The following FOXP2 variants were observed in gnomAD, a reference collection of about 807,000 sequenced individuals.
FOXP2 encodes the protein forkhead box protein P2.
Under a neutral mutation model 115.8 loss-of-function variants are expected in FOXP2, and 12 were observed. That is an observed-to-expected ratio of 0.10 (90% CI 0.07 to 0.17). The LOEUF (loss-of-function observed/expected upper bound fraction) is 0.17, where lower values mean the gene tolerates loss of function less well. Among genes scored for constraint, FOXP2 ranks in the 10% least tolerant of loss-of-function variants. FOXP2 has a pLI of 1.00. For missense variants in FOXP2, 629 were observed against 843.5 expected (o/e 0.75, Z 3.15); for synonymous variants, 328 against 297.7 (o/e 1.10, Z -1.05).
chr7:114,174,371 A>G (rs527558131), intron 1 of FOXP2, among the ~76,000 whole-genome samples: 13 of 152,142 alleles, frequency 8.5e-5, no homozygotes, highest in African/African-American at 3.1e-4. Flanking sequence ...AAGTTATTTT[A>G]AAAGTTATTA....
intron 3 of FOXP2, among the ~76,000 whole-genome samples, chr7:114,536,655 C>G (rs1043192939): frequency 1.3e-5 from 2 of 151,314 alleles, no homozygotes; most frequent in African/African-American, 2.4e-5. Flanking sequence ...CAGTTGCTGA[C>G]CATGACTACA....
chr7:114,628,890 G>C (rs189319154), intron 4 of FOXP2: 95 of 554,920 alleles, frequency 1.7e-4, no homozygotes, highest in African/African-American at 1.7e-3. Flanking sequence ...TCTAGAATAA[G>C]AGCAGAGAGA....
chr7:114,678,380 G>C (rs142124611), intron 16 of FOXP2, among the ~76,000 whole-genome samples: 1 of 152,000 alleles, frequency 6.6e-6, no homozygotes, highest in Non-Finnish European at 1.5e-5. Flanking sequence ...TTTGAGAGCC[G>C]TGTCTTATAG....
At chr7:114,477,575 C>T (rs1244765635) in intron 2 of FOXP2, among the ~76,000 whole-genome samples, 2 of 151,800 alleles carry the variant, frequency 1.3e-5, no homozygotes, top group African/African-American at 2.4e-5. Context: ...GGATCCATTC[C>T]CCAAAGCTCA....
chr7:114,570,951 G>T, intron 3 of FOXP2: 1 of 1,288,880 alleles, frequency 7.8e-7, no homozygotes, highest in Non-Finnish European at 1.1e-6. Flanking sequence ...CCACTAAATA[G>T]ATTATATGTG....
At chr7:114,241,988 C>T (rs1009042841) in intron 1 of FOXP2, among the ~76,000 whole-genome samples, 1 of 149,362 alleles carries the variant, frequency 6.7e-6, no homozygotes, top group East Asian at 2.0e-4. Flanking sequence ...ACACAGAGTC[C>T]TTTGGACTTC....
At chr7:114,086,339 G>T (rs1482259221), upstream of FOXP2, 12 of 408,972 alleles carry the variant, frequency 2.9e-5, no homozygotes. Context: ...GAAAGCGCGA[G>T]ACACGCCGGC....
chr7:114,334,849 A>G (rs976545238), intron 2 of FOXP2, among the ~76,000 whole-genome samples: 2 of 149,152 alleles, frequency 1.3e-5, no homozygotes, highest in African/African-American at 4.9e-5. Context: ...TTTGTGAGCT[A>G]GAATGTACAA....
chr7:114,180,163 T>G (rs550860047), intron 1 of FOXP2, among the ~76,000 whole-genome samples: 13 of 152,126 alleles, frequency 8.5e-5, no homozygotes, highest in African/African-American at 3.1e-4. Flanking sequence ...ACTGCTATGC[T>G]TAACCAGAAG....
chr7:114,318,662 C>T (rs1260523764), intron 2 of FOXP2, among the ~76,000 whole-genome samples: 1 of 151,282 alleles, frequency 6.6e-6, no homozygotes, highest in Non-Finnish European at 1.5e-5. Context: ...ACTGTCATCA[C>T]CATATTTTTT....
intron 2 of FOXP2, chr7:114,366,546 A>G (rs1791887797): frequency 6.6e-6 from 1 of 152,178 alleles, no homozygotes; most frequent in Admixed American, 6.6e-5. Context: ...GATGTTTGTC[A>G]ATAAACTCAT....
At chr7:114,353,627 C>G (rs1791547524) in intron 2 of FOXP2, among the ~76,000 whole-genome samples, 1 of 152,062 alleles carries the variant, frequency 6.6e-6, no homozygotes, top group Admixed American at 6.6e-5. Flanking sequence ...CACTTTACTT[C>G]CTATGGGCCT....
chr7:114,304,899 C>T (rs1796975367), intron 2 of FOXP2, among the ~76,000 whole-genome samples: 1 of 151,952 alleles, frequency 6.6e-6, no homozygotes, highest in African/African-American at 2.4e-5. Context: ...CATTTAAGAA[C>T]AGAAAGCAAT....
At chr7:114,548,007 G>C (rs1011539616) in intron 3 of FOXP2, among the ~76,000 whole-genome samples, 7 of 152,142 alleles carry the variant, frequency 4.6e-5, no homozygotes, top group African/African-American at 1.4e-4. Context: ...CCACAGACAA[G>C]TAGTCCAGAG....
chr7:114,372,075 T>G (rs376868306), intron 2 of FOXP2, among the ~76,000 whole-genome samples: 2 of 152,116 alleles, frequency 1.3e-5, no homozygotes, highest in East Asian at 3.8e-4. Context: ...CATCACCAAT[T>G]TAGATGAACT....
rs560780393 is a variant in FOXP2 at position 114,340,331 on chromosome 7, CTT to C, written c.-11+52223_-11+52224del. 3.9e-3 allele frequency among the ~76,000 whole-genome samples: 582 copies of C among 151,064 alleles called. 3 individuals carry two copies. Among genetic ancestry groups the C allele is most frequent in the Non-Finnish European group, 5.8e-3 (390 of 67,294 alleles). Reference sequence around the variant, plus strand: ...GCCATATCACCTGGAAAAAGTATGACTTATAATTAAATGCATGTATAGACACA... The same window carrying C: ...GCCATATCACCTGGAAAAAGTATGACATAATTAAATGCATGTATAGACACA... On this transcript the variant is annotated intron_variant, in intron 2 of 17. Coordinates refer to the FOXP2 transcript ENST00000634411.
At chr7:114,497,708 A>C (rs1797385778) in intron 2 of FOXP2, among the ~76,000 whole-genome samples, 1 of 146,698 alleles carries the variant, frequency 6.8e-6, no homozygotes, top group Non-Finnish European at 1.5e-5. Flanking sequence ...TAAATAAATA[A>C]AAGTTGCATT....
chr7:114,572,373 G>A (rs551489610), intron 3 of FOXP2, among the ~76,000 whole-genome samples: 1 of 151,642 alleles, frequency 6.6e-6, no homozygotes, highest in South Asian at 2.1e-4. Context: ...GTCCCCCTAA[G>A]CTTTTTTGTA....
At chr7:114,670,605 T>C (rs1807441383) in intron 16 of FOXP2, among the ~76,000 whole-genome samples, 1 of 152,126 alleles carries the variant, frequency 6.6e-6, no homozygotes. Flanking sequence ...ATTGAAAATC[T>C]AAACTTTGAA....
Sources: gnomAD v4.1 joint callset for allele counts (sites outside exome capture counted in the v4.1 genomes callset) on GRCh38, gnomAD v4.1.1 for gene constraint, MANE v1.5 for transcripts, NCBI Gene and HGNC (gene_info 2026-07-23, HGNC 2026-07-21) for gene names.